The following GOT1 variants were observed in gnomAD, a reference collection of about 807,000 sequenced individuals.
The protein encoded by GOT1 is glutamic-oxaloacetic transaminase 1.
In GOT1, 25 loss-of-function variants were observed where a neutral mutation model predicts 48.2. That is an observed-to-expected ratio of 0.52 (90% CI 0.38 to 0.72). The LOEUF is 0.72. GOT1 is among the 30% of genes least tolerant of loss of function. GOT1 has a pLI of 0.00. For missense variants in GOT1, 380 were observed against 520.1 expected (o/e 0.73, Z 2.62); for synonymous variants, 188 against 193.8 (o/e 0.97, Z 0.25).
chr10:99,397,403 G>A lies in GOT1; in HGVS notation c.*144C>T, dbSNP rs11867. The A allele has an allele frequency of 0.04, 33,351 of 823,576 alleles. 823 individuals carry two copies. The highest frequency in any genetic ancestry group is 0.07 in the East Asian group (2,878 of 40,860). The allele number at this position is 823,576 out of a possible 1,614,324, so 51.0% of individuals were successfully genotyped here. On this transcript the variant is annotated 3_prime_UTR_variant, in exon 9 of 9. Coordinates refer to ENST00000370508, the MANE Select transcript of GOT1 (RefSeq NM_002079.3). The surrounding 1 kb of genome is among the most constrained non-coding windows in gnomAD (Gnocchi z 5.4). The stretch of plus-strand genomic sequence containing the variant: ...AGGGATGTTCTCTTCATGTGGGGCC[G>A]GTTTAAACAGAGGCTGCCTCACCAG...
At chr10:99,420,956 C>CTGGGCAAAA in intron 1 of GOT1, 151 bp from the exon 2 acceptor site, 1 of 655,036 alleles carries the variant, frequency 1.5e-6, no homozygotes. Flanking sequence ...TTACTGAGTA[C>CTGGGCAAAA]CTAATTTGAG....
At chr10:99,400,758 T>C (rs1678970692) in intron 8 of GOT1, among the ~76,000 whole-genome samples, 1 of 152,290 alleles carries the variant, frequency 6.6e-6, no homozygotes, top group East Asian at 1.9e-4. Flanking sequence ...CTGGTCAACA[T>C]GGTGAAACCC....
In GOT1 at chr10:99,402,575, C is replaced by A; in HGVS notation, c.1102+5G>T. 1 of 1,614,148 alleles carries A rather than the reference C, an allele frequency of 6.2e-7. No homozygotes were observed. The highest frequency in any genetic ancestry group is 8.5e-7 in the Non-Finnish European group (1 of 1,180,024). ...CATGGGCTGGAGGTGGTGGGGGCCA[C>A]TTACGGTTCAACCCAGTGAAGCTGA... On this transcript the variant is annotated splice_donor_5th_base_variant and intron_variant, in intron 8 of 8. Transcript: ENST00000370508.
intron 8 of GOT1, among the ~76,000 whole-genome samples, chr10:99,400,728 G>A (rs1331337723): frequency 6.6e-6 from 1 of 152,060 alleles, no homozygotes; most frequent in Non-Finnish European, 1.5e-5. Context: ...ATCACTTAAG[G>A]TCAGGAGTTT....
chr10:99,410,152 T>C (rs2032811891), intron 2 of GOT1, among the ~76,000 whole-genome samples: 1 of 152,238 alleles, frequency 6.6e-6, no homozygotes, highest in Admixed American at 6.5e-5. Flanking sequence ...TTAAAAGTTT[T>C]GCCCCCACAT....
At chr10:99,427,108 GAC>G (rs1312443250) in intron 1 of GOT1, among the ~76,000 whole-genome samples, 1 of 152,116 alleles carries the variant, frequency 6.6e-6, no homozygotes, top group Non-Finnish European at 1.5e-5. Context: ...ACTTATATAT[GAC>G]ACTTTTCATT....
chr10:99,405,430 A>G (rs1014311755), intron 5 of GOT1, among the ~76,000 whole-genome samples: 1 of 152,174 alleles, frequency 6.6e-6, no homozygotes, highest in Admixed American at 6.5e-5. Flanking sequence ...TGACATGTAT[A>G]TAAAGAAGTG....
intron 1 of GOT1, among the ~76,000 whole-genome samples, chr10:99,425,202 C>T (rs1191125731): frequency 3.3e-5 from 5 of 152,192 alleles, no homozygotes; most frequent in Admixed American, 2.0e-4. Flanking sequence ...GAAGGGCATG[C>T]GAGAGGGCAC....
intron 8 of GOT1, among the ~76,000 whole-genome samples, chr10:99,398,365 A>G (rs943683949): frequency 7.2e-5 from 11 of 152,224 alleles, no homozygotes; most frequent in African/African-American, 2.7e-4. Context: ...TGGCAAATCC[A>G]TTGATAGAAT....
At chr10:99,414,409 A>G (rs2134103893) in intron 2 of GOT1, among the ~76,000 whole-genome samples, 1 of 152,356 alleles carries the variant, frequency 6.6e-6, no homozygotes, top group East Asian at 1.9e-4. Context: ...ATATATATGC[A>G]CCCAATACAG....
intron 1 of GOT1, among the ~76,000 whole-genome samples, chr10:99,425,696 G>A (rs536026509): frequency 6.6e-6 from 1 of 152,150 alleles, no homozygotes. Context: ...CTCAAGTCTG[G>A]ATAATGAGTG....
chr10:99,402,605 G>A lies in GOT1; in HGVS notation c.1077C>T (p.Gly359=), dbSNP rs772204563. The A allele has an allele frequency of 1.9e-6, 3 of 1,614,198 alleles. No homozygotes were observed. The highest frequency in any genetic ancestry group is 2.5e-6 in the Non-Finnish European group (3 of 1,180,018). ...GTWNHITDQI[G]MFSFTGLNPK... is the part of the protein sequence containing the mutation. ...GGTTCAACCCAGTGAAGCTGAACAT[G>A]CCAATTTGATCAGTGATGTGGTTCC... is the stretch of plus-strand genomic sequence containing the variant. Residue 359 remains glycine, a synonymous_variant, in exon 8 of 9, where the codon GGC becomes GGT. Coordinates refer to ENST00000370508, the MANE Select transcript of GOT1 (RefSeq NM_002079.3).
chr10:99,405,222 C>T (rs747526958), intron 5 of GOT1, among the ~76,000 whole-genome samples: 10 of 152,154 alleles, frequency 6.6e-5, no homozygotes, highest in Non-Finnish European at 1.3e-4. Flanking sequence ...AATATACACA[C>T]TTTCAGCTAG....
intron 3 of GOT1, 112 bp from the exon 4 acceptor site, chr10:99,406,361 C>T (rs2032755721): frequency 1.3e-6 from 1 of 751,672 alleles, no homozygotes; most frequent in Admixed American, 2.0e-5. Context: ...CACTGGGCAT[C>T]ATCCAGGCTG....
At chr10:99,421,475 GACTTCATCCC>G (rs1381830070) in intron 1 of GOT1, among the ~76,000 whole-genome samples, 1 of 152,130 alleles carries the variant, frequency 6.6e-6, no homozygotes, top group Non-Finnish European at 1.5e-5. Context: ...TTACCCTTCT[GACTTCATCCC>G]ACTTCATCTG....
intron 1 of GOT1, 148 bp from the exon 2 acceptor site, chr10:99,420,953 G>C: frequency 1.5e-6 from 1 of 664,444 alleles, no homozygotes. Flanking sequence ...CACTTACTGA[G>C]TACCTAATTT....
intron 2 of GOT1, among the ~76,000 whole-genome samples, chr10:99,418,494 C>CTTTTTTTTTTT (rs11394746): frequency 7.1e-6 from 1 of 140,614 alleles, no homozygotes. Context: ...TCCCCACTTT[C>CTTTTTTTTTTT]TTTTTTTTTT....
At chr10:99,415,560 G>GA (rs2032884369) in intron 2 of GOT1, among the ~76,000 whole-genome samples, 1 of 152,162 alleles carries the variant, frequency 6.6e-6, no homozygotes, top group South Asian at 2.1e-4. Flanking sequence ...CCAATCAATA[G>GA]AAAAAGAGGA....
chr10:99,422,811 C>T (rs1417048387), intron 1 of GOT1, among the ~76,000 whole-genome samples: 3 of 152,220 alleles, frequency 2.0e-5, no homozygotes, highest in Non-Finnish European at 2.9e-5. Flanking sequence ...AATCATTTTA[C>T]ATTTGCGCAT....
Sources: allele counts gnomAD v4.1 joint callset (sites outside exome capture counted in the v4.1 genomes callset), GRCh38; gene constraint gnomAD v4.1.1; non-coding constraint Gnocchi (gnomAD v3.1); transcripts MANE v1.5; gene names NCBI Gene and HGNC (gene_info 2026-07-23, HGNC 2026-07-21).